The following ERC1 variants were observed in gnomAD, a reference collection of about 807,000 sequenced individuals.
ERC1 encodes RAB6 interacting protein 2.
A neutral mutation model predicts 132.0 loss-of-function variants in ERC1; 56 were observed. The ratio of observed to expected loss-of-function variants is 0.42; its 90% CI spans 0.34 to 0.53. The LOEUF is 0.53. ERC1 is among the 20% of genes least tolerant of loss of function. The pLI is 0.03. For missense variants in ERC1, 1,202 were observed against 1,349.9 expected, an observed-to-expected ratio of 0.89 and a Z score of 1.72; for synonymous variants, 478 against 476.1, an observed-to-expected ratio of 1.00 and a Z score of -0.05.
intron 8 of ERC1, among the ~76,000 whole-genome samples, chr12:1,173,490 C>T (rs547646003): frequency 6.6e-6 from 1 of 152,212 alleles, no homozygotes; most frequent in African/African-American, 2.4e-5. Flanking sequence ...TTCTGCTAAA[C>T]GTGATTCTGA....
rs936002384 is a variant in ERC1, at chr12:1,293,646, T to C, written c.2780+3634T>C. Among the ~76,000 whole-genome samples the C allele has an allele frequency of 7.5e-4, 112 of 149,274 alleles. 1 individual carries two copies. Among genetic ancestry groups the C allele is most frequent in the African/African-American group, 2.6e-3 (106 of 40,800 alleles). Reference sequence around the variant, plus strand: ...CTCTGTCTCAAAAAAAAAAAAAAAATTGTGGGGTTGTTCACATTCTAAAAA... The same window carrying C: ...CTCTGTCTCAAAAAAAAAAAAAAAACTGTGGGGTTGTTCACATTCTAAAAA... On this transcript the variant is annotated intron_variant, in intron 15 of 18. Coordinates refer to ENST00000360905, the MANE Select transcript of ERC1 (RefSeq NM_178040.4).
At chr12:1,292,389 C>G (rs1243685345) in intron 15 of ERC1, among the ~76,000 whole-genome samples, 1 of 152,034 alleles carries the variant, frequency 6.6e-6, no homozygotes, top group Non-Finnish European at 1.5e-5. Flanking sequence ...TCACTATACT[C>G]ATTGGGAGCT....
At chr12:1,043,920 A>G (rs1472362743) in intron 2 of ERC1, among the ~76,000 whole-genome samples, 1 of 152,212 alleles carries the variant, frequency 6.6e-6, no homozygotes, top group African/African-American at 2.4e-5. Context: ...ACATGTTAAC[A>G]TACATACTAT....
At chr12:1,080,359 T>C (rs1173187642) in intron 2 of ERC1, among the ~76,000 whole-genome samples, 3 of 152,222 alleles carry the variant, frequency 2.0e-5, no homozygotes, top group Admixed American at 2.0e-4. Flanking sequence ...ATACCTCATG[T>C]CAATGGATAC....
intron 13 of ERC1, 114 bp from the exon 14 acceptor site, chr12:1,262,920 G>C: frequency 9.9e-7 from 1 of 1,014,286 alleles, no homozygotes; most frequent in Non-Finnish European, 1.4e-6. Context: ...TGTTGACCTG[G>C]ATTTGCTTCT....
intron 18 of ERC1, among the ~76,000 whole-genome samples, chr12:1,486,417 CTTTAT>C (rs75172865): frequency 1.7e-4 from 26 of 150,962 alleles, no homozygotes; most frequent in Admixed American, 9.9e-4. Flanking sequence ...GCACTTTTTA[CTTTAT>C]TTTATTTTAT....
rs575490467 is a variant in ERC1, at chr12:1,495,606, G to A, written c.*5376G>A. 1 of 227,748 alleles carries A rather than the reference G, an allele frequency of 4.4e-6. No individual in the cohort carries two copies. The highest frequency in any genetic ancestry group is 5.7e-5 in the Admixed American group (1 of 17,600). The allele number at this position is 227,748 out of a possible 1,614,324, so 14.1% of individuals were successfully genotyped here. ...CCGGGCATTGCAGGATATCCAGTGG[G>A]GCCTGTGACTGCTCCCTGATGCGTC... On this transcript the variant is annotated 3_prime_UTR_variant, in exon 19 of 19. Coordinates refer to ENST00000360905, the MANE Select transcript of ERC1 (RefSeq NM_178040.4).
At chr12:1,259,454 G>A (rs1006943309) in intron 13 of ERC1, among the ~76,000 whole-genome samples, 1 of 150,094 alleles carries the variant, frequency 6.7e-6, no homozygotes, top group Non-Finnish European at 1.5e-5. Flanking sequence ...TTACATTTTG[G>A]TCTTTCCTAG....
At chr12:1,297,735 A>G (rs1040218146) in intron 15 of ERC1, among the ~76,000 whole-genome samples, 2 of 151,182 alleles carry the variant, frequency 1.3e-5, no homozygotes, top group African/African-American at 2.4e-5. Context: ...AAAAACACAG[A>G]CATGGTAAAT....
rs1555194875 is a variant in ERC1, at chr12:1,007,540, C to CTCTCTGTG, written c.-157+16219_-157+16220insCTCTGTGT. 1.9e-3 allele frequency among the ~76,000 whole-genome samples: 231 copies of CTCTCTGTG among 122,776 alleles called. 3 individuals carry two copies. Among genetic ancestry groups the CTCTCTGTG allele is most frequent in the Middle Eastern group, 8.3e-3 (2 of 242 alleles). 80.5% of individuals were successfully genotyped at this position (122,776 alleles called of 152,430 possible). ...ATTCTCTCTCTCTCTCTCTCTCTCT[C>CTCTCTGTG]TGTGTGTGTGTGTGTGTGTGTGTGT... On this transcript the variant is annotated intron_variant, in intron 1 of 18. Transcript: ENST00000360905.
At chr12:1,377,384 A>G (rs1425629351) in intron 16 of ERC1, among the ~76,000 whole-genome samples, 2 of 151,822 alleles carry the variant, frequency 1.3e-5, no homozygotes, top group South Asian at 2.1e-4. Context: ...TCTAGCAGAC[A>G]TTCTAGCACA....
intron 13 of ERC1, among the ~76,000 whole-genome samples, chr12:1,247,558 A>G (rs1426894400): frequency 6.6e-6 from 1 of 152,250 alleles, no homozygotes; most frequent in Non-Finnish European, 1.5e-5. Context: ...TCTCTTTGAA[A>G]TAAGTATGCT....
At chr12:1,000,275 A>G (rs1308785784) in intron 1 of ERC1, among the ~76,000 whole-genome samples, 1 of 152,140 alleles carries the variant, frequency 6.6e-6, no homozygotes, top group Non-Finnish European at 1.5e-5. Context: ...ACTTGAGGCC[A>G]GGAGTTCAAG....
chr12:1,120,434 T>A (rs1946950365), intron 7 of ERC1, among the ~76,000 whole-genome samples: 1 of 152,254 alleles, frequency 6.6e-6, no homozygotes, highest in African/African-American at 2.4e-5. Context: ...TATTGTTGTT[T>A]TGCTTTTATA....
intron 1 of ERC1, among the ~76,000 whole-genome samples, chr12:1,025,767 C>T (rs1306250025): frequency 6.6e-6 from 1 of 151,758 alleles, no homozygotes; most frequent in Admixed American, 6.6e-5. Flanking sequence ...ACAGACATAC[C>T]CGAGACTAGG....
chr12:1,126,986 CAAAAAA>C (rs71055135), intron 7 of ERC1, among the ~76,000 whole-genome samples: 24 of 114,184 alleles, frequency 2.1e-4, no homozygotes, highest in African/African-American at 3.9e-4. Flanking sequence ...GATTCTGTCT[CAAAAAA>C]AAAAAAAAAA....
chr12:1,341,770 C>T (rs1160595334), intron 15 of ERC1, among the ~76,000 whole-genome samples: 2 of 152,104 alleles, frequency 1.3e-5, no homozygotes, highest in South Asian at 2.1e-4. Context: ...TGTATGAAAC[C>T]TGCCTGTTGT....
intron 13 of ERC1, among the ~76,000 whole-genome samples, chr12:1,247,185 C>T (rs549561968): frequency 1.3e-5 from 2 of 151,726 alleles, no homozygotes; most frequent in Admixed American, 6.6e-5. Flanking sequence ...GCCCTGTTTG[C>T]GCCACTGCGC....
chr12:1,316,036 A>G (rs973034424), intron 15 of ERC1, among the ~76,000 whole-genome samples: 4 of 152,044 alleles, frequency 2.6e-5, no homozygotes, highest in Non-Finnish European at 4.4e-5. Context: ...CTACAGGTGC[A>G]TGCCATCACG....
Sources: allele counts gnomAD v4.1 joint callset (sites outside exome capture counted in the v4.1 genomes callset), GRCh38; gene constraint gnomAD v4.1.1; transcripts MANE v1.5; gene names NCBI Gene and HGNC (gene_info 2026-07-23, HGNC 2026-07-21).